GCNT1: variants seen among roughly 807,000 people sequenced by gnomAD.
GCNT1 encodes glucosaminyl (N-acetyl) transferase 1.
Under a neutral mutation model 26.2 loss-of-function variants are expected in GCNT1, and 16 were observed. The observed-to-expected ratio is 0.61, with a 90% CI of 0.41 to 0.93. GCNT1 has a LOEUF of 0.93. GCNT1 is among the 40% of genes least tolerant of loss of function. GCNT1 has a pLI of 0.00. For synonymous variants in GCNT1, 183 were observed against 190.8 expected, an observed-to-expected ratio of 0.96 and a Z score of 0.34; for missense variants, 477 against 526.7, an observed-to-expected ratio of 0.91 and a Z score of 0.92.
At chr9:76,423,516 C>T (rs1823225263) in intron 1 of GCNT1, among the ~76,000 whole-genome samples, 1 of 152,148 alleles carries the variant, frequency 6.6e-6, no homozygotes, top group African/African-American at 2.4e-5. Flanking sequence ...ATAAATTATC[C>T]AGTCTCATGG....
At chr9:76,430,195 C>T (rs551621406) in intron 1 of GCNT1, among the ~76,000 whole-genome samples, 1 of 152,010 alleles carries the variant, frequency 6.6e-6, no homozygotes, top group Admixed American at 6.6e-5. Flanking sequence ...TTTTTTGCAA[C>T]CTACTATATA....
At chr9:76,459,834 C>T (rs1823833218) in intron 1 of GCNT1, among the ~76,000 whole-genome samples, 1 of 152,176 alleles carries the variant, frequency 6.6e-6, no homozygotes, top group South Asian at 2.1e-4. Flanking sequence ...GCTCCGAAGC[C>T]TCTCCTTTCC....
intron 1 of GCNT1, among the ~76,000 whole-genome samples, chr9:76,425,245 A>G (rs10124695): frequency 0.77 from 117,098 of 151,550 alleles, 45,961 homozygotes; most frequent in Middle Eastern, 0.86. Context: ...TTTTTCAGAC[A>G]GAGTTTCACT....
At chr9:76,413,666 T>TG in the GCNT1 span, among the ~76,000 whole-genome samples, 11 of 99,934 alleles carry the variant, frequency 1.1e-4, no homozygotes, top group South Asian at 3.0e-4. Context: ...TTTTTTTTTT[T>TG]TGTTTTTTTT....
the GCNT1 span, among the ~76,000 whole-genome samples, chr9:76,414,122 T>C: frequency 1.3e-5 from 2 of 152,248 alleles, no homozygotes; most frequent in African/African-American, 4.8e-5. Context: ...GCCTACTTTC[T>C]CAATTAGAGC....
upstream of GCNT1, among the ~76,000 whole-genome samples, chr9:76,439,481 T>C (rs1823453405): frequency 6.6e-6 from 1 of 152,048 alleles, no homozygotes; most frequent in Admixed American, 6.6e-5. Flanking sequence ...CAACTTGGCC[T>C]CCCAAAGTGC....
At chr9:76,394,294 G>C in the GCNT1 span, 1 of 912,780 alleles carries the variant, frequency 1.1e-6, no homozygotes, top group Non-Finnish European at 1.6e-6. Context: ...CCTGCCGCGG[G>C]GGCGCACCAG....
the GCNT1 span, among the ~76,000 whole-genome samples, chr9:76,403,082 C>G: frequency 2.0e-5 from 3 of 152,192 alleles, no homozygotes; most frequent in Non-Finnish European, 4.4e-5. Context: ...ATTTTGTCAA[C>G]TTCTACCCAC....
Position 76,503,047 on chromosome 9 carries a change from C to T in GCNT1, c.666C>T (p.Pro222=), listed in dbSNP as rs758991404. The T allele has an allele frequency of 2.5e-6, 4 of 1,613,990 alleles. No homozygotes were observed. The highest frequency in any genetic ancestry group is 3.4e-6 in the Non-Finnish European group (4 of 1,180,000). Reference sequence around the variant, plus strand: ...TAAATCTTTGTGGTATGGATTTTCCCATTAAAACCAACCTAGAAATTGTCA... The same window carrying T: ...TAAATCTTTGTGGTATGGATTTTCCTATTAAAACCAACCTAGAAATTGTCA... ...YLINLCGMDF[P]IKTNLEIVRK... Residue 222 remains proline, a synonymous_variant, in exon 4 of 4, where the codon CCC becomes CCT. Transcript: ENST00000376730.
Position 76,447,151 on chromosome 9 carries a change from C to CAAAAAA in GCNT1, c.-290+4860_-290+4865dup, listed in dbSNP as rs532132124. Among the ~76,000 whole-genome samples, 7 of 35,988 alleles carry CAAAAAA rather than the reference C, an allele frequency of 1.9e-4. No homozygotes were observed. The East Asian group carries it at 3.2e-3, about 16-fold the overall frequency. 23.6% of individuals were successfully genotyped at this position (35,988 alleles called of 152,430 possible). ...TCCTGGGCAGAGTGAAACCCTGTGT[C>CAAAAAA]AAAAAAAAAAAAAAAAAAAAAAAAA... On this transcript the variant is annotated intron_variant, in intron 1 of 2. Transcript: ENST00000442371.
chr9:76,470,776 A>AT (rs906015689), intron 2 of GCNT1, among the ~76,000 whole-genome samples: 22 of 151,844 alleles, frequency 1.4e-4, no homozygotes, highest in Non-Finnish European at 2.5e-4. Context: ...TTAAAAATTA[A>AT]TTTTTTTTTA....
chr9:76,447,139 G>T, intron 1 of GCNT1, among the ~76,000 whole-genome samples: 1 of 97,524 alleles, frequency 1.0e-5, no homozygotes, highest in Non-Finnish European at 1.8e-5. Flanking sequence ...TGGGCAGAGT[G>T]AAACCCTGTG....
the GCNT1 span, among the ~76,000 whole-genome samples, chr9:76,412,022 A>G: frequency 2.0e-5 from 3 of 152,198 alleles, no homozygotes; most frequent in Non-Finnish European, 2.9e-5. Flanking sequence ...CTTTTAAAAA[A>G]TAATTTTTTG....
At chr9:76,407,251 A>G in the GCNT1 span, among the ~76,000 whole-genome samples, 1 of 152,036 alleles carries the variant, frequency 6.6e-6, no homozygotes. Flanking sequence ...TATATATTAT[A>G]ATAGAGTTAT....
At chr9:76,435,650 C>T (rs1823397716) in intron 1 of GCNT1, among the ~76,000 whole-genome samples, 1 of 152,186 alleles carries the variant, frequency 6.6e-6, no homozygotes, top group Non-Finnish European at 1.5e-5. Flanking sequence ...GTGTCTTTTA[C>T]TCTTCTTACA....
chr9:76,443,894 A>AAAGAAAGGAAGAAAGGAAGAAAGG (rs1195027651), intron 1 of GCNT1, among the ~76,000 whole-genome samples: 11 of 127,294 alleles, frequency 8.6e-5, no homozygotes, highest in African/African-American at 3.6e-4. Flanking sequence ...AGAAAGAAAG[A>AAAGAAAGGAAGAAAGGAAGAAAGG]AAGAAAGGAA....
chr9:76,395,437 C>T, the GCNT1 span, among the ~76,000 whole-genome samples: 4 of 152,078 alleles, frequency 2.6e-5, no homozygotes, highest in South Asian at 2.1e-4. Context: ...AATTTATGTT[C>T]TAGGCCAGGC....
intron 2 of GCNT1, among the ~76,000 whole-genome samples, chr9:76,486,916 A>AAAACAAACAAAC (rs74278555): frequency 1.3e-5 from 2 of 150,838 alleles, no homozygotes; most frequent in African/African-American, 4.9e-5. Flanking sequence ...ATCTCTACTT[A>AAAACAAACAAAC]AAACAAACAA....
intron 2 of GCNT1, among the ~76,000 whole-genome samples, chr9:76,473,654 C>A (rs1250288702): frequency 6.6e-6 from 1 of 152,074 alleles, no homozygotes; most frequent in African/African-American, 2.4e-5. Flanking sequence ...TTTAAAAAAA[C>A]AACAAAAACG....
Sources: gnomAD v4.1 joint callset for allele counts (sites outside exome capture counted in the v4.1 genomes callset) on GRCh38, gnomAD v4.1.1 for gene constraint, MANE v1.5 for transcripts, NCBI Gene and HGNC (gene_info 2026-07-23, HGNC 2026-07-21) for gene names.